SLC16A9: variants seen among roughly 807,000 people sequenced by gnomAD.
The protein encoded by SLC16A9 is monocarboxylate transporter 9.
A neutral mutation model predicts 44.3 loss-of-function variants in SLC16A9; 26 were observed. That is an observed-to-expected ratio of 0.59 (90% CI 0.43 to 0.81). The LOEUF is 0.81. SLC16A9 is among the 40% of genes least tolerant of loss of function. The pLI is 0.00. For synonymous variants in SLC16A9, 230 were observed against 225.1 expected, an observed-to-expected ratio of 1.02 and a Z score of -0.19; for missense variants, 559 against 595.8, an observed-to-expected ratio of 0.94 and a Z score of 0.64.
intron 4 of SLC16A9, among the ~76,000 whole-genome samples, chr10:59,661,379 T>C (rs1274069910): frequency 6.6e-6 from 1 of 152,154 alleles, no homozygotes; most frequent in South Asian, 2.1e-4. Context: ...AGTCAAATCA[T>C]GAGTGAACTC....
intron 1 of SLC16A9, among the ~76,000 whole-genome samples, chr10:59,700,891 G>C (rs1038111123): frequency 6.6e-6 from 1 of 151,968 alleles, no homozygotes; most frequent in Non-Finnish European, 1.5e-5. Flanking sequence ...CTTGGCTTTC[G>C]TGAGCCCACT....
At chr10:59,708,369 C>T (rs1390134586) in intron 1 of SLC16A9, among the ~76,000 whole-genome samples, 1 of 152,192 alleles carries the variant, frequency 6.6e-6, no homozygotes, top group African/African-American at 2.4e-5. Flanking sequence ...GCTTCCTCAG[C>T]CCTCTGCCTA....
At chr10:59,670,160 T>C (rs1253047204) in intron 3 of SLC16A9, among the ~76,000 whole-genome samples, 1 of 152,200 alleles carries the variant, frequency 6.6e-6, no homozygotes, top group Non-Finnish European at 1.5e-5. Context: ...TACTGCTGTA[T>C]GGGTCAGAAA....
intron 2 of SLC16A9, among the ~76,000 whole-genome samples, chr10:59,677,156 T>C (rs1839878528): frequency 6.6e-6 from 1 of 151,842 alleles, no homozygotes; most frequent in Non-Finnish European, 1.5e-5. Context: ...TACCACTGCC[T>C]GCATATTAGT....
chr10:59,673,674 T>C (rs901596283), intron 2 of SLC16A9, among the ~76,000 whole-genome samples: 1 of 152,188 alleles, frequency 6.6e-6, no homozygotes, highest in Non-Finnish European at 1.5e-5. Flanking sequence ...AGACAGACAA[T>C]ACTGTTAGCA....
At chr10:59,676,665 G>A (rs184887089) in intron 2 of SLC16A9, among the ~76,000 whole-genome samples, 2 of 152,162 alleles carry the variant, frequency 1.3e-5, no homozygotes, top group Admixed American at 6.5e-5. Context: ...GCTCAAGCCT[G>A]TAATCCCAGC....
rs1267730190 is a variant in SLC16A9, at chr10:59,655,693, G to C, written c.437-1104C>G. On this transcript the variant is annotated intron_variant, in intron 4 of 5. Transcript: ENST00000395348. ...TAATCAATTGGTACTGTTCTCATCT[G>C]GTTCTGATTTCAATCTTTAATAAAC... 2.0e-5 allele frequency among the ~76,000 whole-genome samples: 3 copies of C among 152,080 alleles called. No individual in the cohort carries two copies. In the East Asian group the frequency reaches 5.8e-4, roughly 29 times the overall value.
chr10:59,686,254 C>G (rs972266848), intron 1 of SLC16A9, among the ~76,000 whole-genome samples: 37 of 152,028 alleles, frequency 2.4e-4, no homozygotes, highest in African/African-American at 8.5e-4. Context: ...TCTAATGGGG[C>G]TTTTTCTGTC....
chr10:59,688,013 T>C (rs1840172432), intron 1 of SLC16A9, among the ~76,000 whole-genome samples: 1 of 151,946 alleles, frequency 6.6e-6, no homozygotes, highest in Non-Finnish European at 1.5e-5. Context: ...TTTTCCTTCT[T>C]TTCCTAAACA....
At chr10:59,664,092 C>A in intron 4 of SLC16A9, 135 bp downstream of exon 4, 1 of 378,992 alleles carries the variant, frequency 2.6e-6, no homozygotes, top group South Asian at 7.5e-5. Context: ...ACTTTCCTTC[C>A]AGAAGTAAAG....
Position 59,654,241 on chromosome 10 carries a change from G to C in SLC16A9, c.785C>G (p.Thr262Arg), listed in dbSNP as rs1358630525. The change falls in exon 5 of 6, where the codon ACA becomes AGA. Residue 262 changes from threonine (T) to arginine (R), a missense_variant. Coordinates refer to ENST00000395348, the MANE Select transcript of SLC16A9 (RefSeq NM_194298.3). ...LLHKNPTVTH[T>R]KEPETYKKKV... ...CTTTTTGTACGTTTCAGGCTCTTTT[G>C]TGTGTGTCACTGTGGGGTTTTTATG... The C allele has an allele frequency of 6.2e-7, 1 of 1,614,152 alleles. No homozygotes were observed. Among genetic ancestry groups the C allele is most frequent in the Admixed American group, 1.7e-5 (1 of 60,024 alleles).
At chr10:59,665,295 A>T (rs1314286237) in intron 3 of SLC16A9, among the ~76,000 whole-genome samples, 1 of 152,240 alleles carries the variant, frequency 6.6e-6, no homozygotes, top group Non-Finnish European at 1.5e-5. Context: ...ATAGTCTAAT[A>T]ACTGAATTTT....
At chr10:59,676,922 C>CAA (rs35816952) in intron 2 of SLC16A9, among the ~76,000 whole-genome samples, 76 of 104,832 alleles carry the variant, frequency 7.2e-4, no homozygotes, top group Admixed American at 2.6e-3. Context: ...ACTCTTGTCT[C>CAA]AAAAAAAAAA....
At chr10:59,682,986 C>G (rs1309417209) in intron 2 of SLC16A9, among the ~76,000 whole-genome samples, 2 of 151,856 alleles carry the variant, frequency 1.3e-5, no homozygotes, top group African/African-American at 2.4e-5. Context: ...CAAGGTAATA[C>G]AACAATTGGA....
chr10:59,704,313 C>T (rs1306720974), intron 1 of SLC16A9, among the ~76,000 whole-genome samples: 2 of 152,192 alleles, frequency 1.3e-5, no homozygotes, highest in Admixed American at 6.5e-5. Context: ...CTTCTTTGCT[C>T]ATTTATGATG....
intron 1 of SLC16A9, among the ~76,000 whole-genome samples, chr10:59,696,271 T>A (rs1030423814): frequency 6.6e-6 from 1 of 152,112 alleles, no homozygotes; most frequent in African/African-American, 2.4e-5. Flanking sequence ...GCCTGACTGG[T>A]TTTCGTATTT....
rs2132492751 is a variant in SLC16A9, at chr10:59,684,181, G to A, written c.111C>T (p.Tyr37=). 1 of 1,614,032 alleles carries A rather than the reference G, an allele frequency of 6.2e-7. No individual in the cohort carries two copies. The highest frequency in any genetic ancestry group is 8.5e-7 in the Non-Finnish European group (1 of 1,179,970). The part of the protein sequence containing the change: ...YGSPLAVGVL[Y]IEWLDAFGEG... ...CACCAAAGGCATCCAGCCATTCTAT[G>A]TACAGGACTCCAACAGCTAGTGGGG... The change falls in exon 2 of 6, where the codon TAC becomes TAT. Residue 37 remains tyrosine, a synonymous_variant. Transcript: ENST00000395348.
intron 3 of SLC16A9, among the ~76,000 whole-genome samples, chr10:59,668,676 G>C (rs11006678): frequency 0.029 from 4,479 of 152,194 alleles, 207 homozygotes; most frequent in African/African-American, 0.1. Context: ...CATAAAAAAT[G>C]TAAATATGTA....
intron 1 of SLC16A9, among the ~76,000 whole-genome samples, chr10:59,687,754 A>T (rs957721442): frequency 3.9e-5 from 6 of 152,094 alleles, no homozygotes; most frequent in Non-Finnish European, 7.4e-5. Flanking sequence ...TGAGCCCAGG[A>T]GTTCGAGGCC....
Sources: gnomAD v4.1 joint callset for allele counts (sites outside exome capture counted in the v4.1 genomes callset) on GRCh38, gnomAD v4.1.1 for gene constraint, MANE v1.5 for transcripts, NCBI Gene and HGNC (gene_info 2026-07-23, HGNC 2026-07-21) for gene names.